THSD7B: variants seen among roughly 807,000 people sequenced by gnomAD.
THSD7B encodes the protein thrombospondin type 1 domain containing 7B.
In THSD7B, 138 loss-of-function variants were observed where a neutral mutation model predicts 213.6. The observed-to-expected ratio is 0.65, with a 90% CI of 0.56 to 0.74. THSD7B has a LOEUF of 0.74. Among genes scored for constraint, THSD7B ranks in the 30% least tolerant of loss-of-function variants. The pLI, the probability that THSD7B is intolerant of heterozygous loss-of-function variation, is 0.00. For missense variants in THSD7B, 1,931 were observed against 1,991.5 expected (o/e 0.97, Z 0.58); for synonymous variants, 742 against 687.0 (o/e 1.08, Z -1.25).
intron 2 of THSD7B, among the ~76,000 whole-genome samples, chr2:137,032,807 T>A (rs567416533): frequency 6.6e-6 from 1 of 152,338 alleles, no homozygotes; most frequent in East Asian, 1.9e-4. Context: ...TGTAATATGT[T>A]TAGTATCCTT....
chr2:137,220,231 G>A (rs1681338806), intron 7 of THSD7B, among the ~76,000 whole-genome samples: 1 of 111,790 alleles, frequency 8.9e-6, no homozygotes, highest in Non-Finnish European at 1.9e-5. Context: ...AGAAGACACT[G>A]TTTAGAAAAT....
Position 136,922,314 on chromosome 2 carries a change from C to T in THSD7B, c.139+39997C>T, listed in dbSNP as rs541752772. ...ACAATTTGGGACCCTTCTCTCTGCACCTGATTCCAATGGGAACATGTCCTG... is the reference window on the plus strand; with the variant it reads ...ACAATTTGGGACCCTTCTCTCTGCATCTGATTCCAATGGGAACATGTCCTG... On this transcript the variant is annotated intron_variant, in intron 2 of 27. Transcript: ENST00000409968. Among the ~76,000 whole-genome samples the T allele has an allele frequency of 2.6e-5, 4 of 152,318 alleles. No individual in the cohort carries two copies. In the South Asian group the frequency reaches 8.3e-4, roughly 32 times the overall value.
At chr2:136,876,048 G>T (rs963093951) in intron 1 of THSD7B, among the ~76,000 whole-genome samples, 1 of 152,148 alleles carries the variant, frequency 6.6e-6, no homozygotes, top group Non-Finnish European at 1.5e-5. Flanking sequence ...TTTCAGATAT[G>T]CTGAATGGCC....
Position 136,920,367 on chromosome 2 carries a change from G to A in THSD7B, c.139+38050G>A, listed in dbSNP as rs114062829. 3.5e-3 allele frequency among the ~76,000 whole-genome samples: 540 copies of A among 152,290 alleles called. 1 individual carries two copies. The highest frequency in any genetic ancestry group is 0.012 in the African/African-American group (505 of 41,552). Reference sequence around the variant, plus strand: ...GGTAGTTCCTTTCCACAGGCAAGTCGTCCCAGTGAGTGTCCGGCTCTTGGC... The same window carrying A: ...GGTAGTTCCTTTCCACAGGCAAGTCATCCCAGTGAGTGTCCGGCTCTTGGC... On this transcript the variant is annotated intron_variant, in intron 2 of 27. Coordinates refer to ENST00000409968, the MANE Select transcript of THSD7B (RefSeq NM_001316349.2).
chr2:137,236,761 A>C (rs567590127), intron 9 of THSD7B, among the ~76,000 whole-genome samples: 1 of 152,128 alleles, frequency 6.6e-6, no homozygotes, highest in South Asian at 2.1e-4. Flanking sequence ...AGGTGTAGCT[A>C]AAAAATGGCA....
chr2:137,229,066 T>C (rs909234679), intron 7 of THSD7B, among the ~76,000 whole-genome samples: 5 of 152,200 alleles, frequency 3.3e-5, no homozygotes, highest in Non-Finnish European at 5.9e-5. Context: ...CTAGGAAACT[T>C]ACAATGTATA....
intron 1 of THSD7B, among the ~76,000 whole-genome samples, chr2:136,839,648 G>GA (rs951507814): frequency 2.0e-5 from 3 of 152,092 alleles, no homozygotes; most frequent in Non-Finnish European, 4.4e-5. Context: ...GGTATAAAGG[G>GA]AAAAAACTTT....
rs532662249 is a variant in THSD7B, at chr2:137,117,462, A to C, written c.1369+2169A>C. 2.6e-5 allele frequency among the ~76,000 whole-genome samples: 4 copies of C among 152,318 alleles called. No homozygotes were observed. In the South Asian group the frequency reaches 8.3e-4, roughly 32 times the overall value. On this transcript the variant is annotated intron_variant, in intron 5 of 27. Coordinates refer to ENST00000409968, the MANE Select transcript of THSD7B (RefSeq NM_001316349.2). Reference sequence around the variant, plus strand: ...AGCATTTCAGTTTCTGTGAACATCAAATTATTAATATTATTGTTGTTATGT... The same window carrying C: ...AGCATTTCAGTTTCTGTGAACATCACATTATTAATATTATTGTTGTTATGT...
chr2:137,144,153 A>G (rs1277019366), intron 5 of THSD7B, among the ~76,000 whole-genome samples: 3 of 152,072 alleles, frequency 2.0e-5, no homozygotes, highest in Non-Finnish European at 4.4e-5. Context: ...CTTTTGAGGC[A>G]TAAACTAGAG....
At chr2:137,443,407 T>C (rs1687461970) in intron 14 of THSD7B, among the ~76,000 whole-genome samples, 1 of 152,156 alleles carries the variant, frequency 6.6e-6, no homozygotes, top group Admixed American at 6.5e-5. Context: ...ATTAAAACCA[T>C]AATATATTCA....
chr2:137,612,916 C>G (rs1682314336), intron 17 of THSD7B, among the ~76,000 whole-genome samples: 1 of 152,038 alleles, frequency 6.6e-6, no homozygotes, highest in Admixed American at 6.6e-5. Flanking sequence ...TAGCCGAATA[C>G]CCTTGTAACA....
At chr2:137,245,902 A>G (rs1682021276) in intron 10 of THSD7B, among the ~76,000 whole-genome samples, 1 of 152,174 alleles carries the variant, frequency 6.6e-6, no homozygotes, top group South Asian at 2.1e-4. Flanking sequence ...GGATCTTATT[A>G]ATTGCAGATT....
At chr2:137,108,001 A>G (rs1688287478) in intron 4 of THSD7B, among the ~76,000 whole-genome samples, 1 of 152,232 alleles carries the variant, frequency 6.6e-6, no homozygotes, top group Non-Finnish European at 1.5e-5. Context: ...TAAAAGGACA[A>G]CAGACATTAT....
chr2:136,877,847 C>T (rs1271679891), intron 1 of THSD7B, among the ~76,000 whole-genome samples: 1 of 151,920 alleles, frequency 6.6e-6, no homozygotes, highest in Non-Finnish European at 1.5e-5. Flanking sequence ...AAAAAGAAGG[C>T]AAAAACTGTG....
In THSD7B at chr2:136,813,859, C is replaced by T. The variant is rs190701782; in HGVS notation, c.-36+48172C>T. On this transcript the variant is annotated intron_variant, in intron 1 of 27. Transcript: ENST00000409968. The stretch of plus-strand genomic sequence containing the variant: ...TTGTGTTATTTTCCTGTTTATAGAG[C>T]GCTTTTCTCCTTTTATTCTCATAAG... Among the ~76,000 whole-genome samples the T allele has an allele frequency of 7.2e-5, 11 of 152,226 alleles. No homozygotes were observed. In the East Asian group the frequency reaches 1.4e-3, roughly 19 times the overall value.
At position 137,617,889 on chromosome 2, in the gene THSD7B, A is replaced by G. The variant is rs768424590; in HGVS notation, c.3566-503A>G. 7.9e-4 allele frequency among the ~76,000 whole-genome samples: 120 copies of G among 152,086 alleles called. 3 individuals are homozygous for G. Among genetic ancestry groups the G allele is most frequent in the Non-Finnish European group, 3.1e-4 (21 of 68,016 alleles). ...CCTCCTTTATAAAGGTACTAATTTC[A>G]TTCATGAGAGCTCAGCTCCCATATT... On this transcript the variant is annotated intron_variant, in intron 18 of 27. Transcript: ENST00000409968.
intron 15 of THSD7B, among the ~76,000 whole-genome samples, chr2:137,474,396 AT>A (rs557456030): frequency 6.6e-6 from 1 of 151,516 alleles, no homozygotes; most frequent in Non-Finnish European, 1.5e-5. Context: ...CCTTTTCTCT[AT>A]TTTTTTTCTA....
At chr2:137,518,430 C>T (rs1263662813) in intron 15 of THSD7B, among the ~76,000 whole-genome samples, 2 of 152,160 alleles carry the variant, frequency 1.3e-5, no homozygotes, top group Non-Finnish European at 2.9e-5. Context: ...TGATTACATA[C>T]TGATTCATGG....
chr2:137,073,177 T>C (rs532676690), intron 3 of THSD7B, among the ~76,000 whole-genome samples: 1 of 152,298 alleles, frequency 6.6e-6, no homozygotes, highest in African/African-American at 2.4e-5. Flanking sequence ...TCAGAAGGAA[T>C]GGTACCAGTT....
Sources: allele counts gnomAD v4.1 joint callset (sites outside exome capture counted in the v4.1 genomes callset), GRCh38; gene constraint gnomAD v4.1.1; transcripts MANE v1.5; gene names NCBI Gene and HGNC (gene_info 2026-07-23, HGNC 2026-07-21).